The following ZFHX3 variants were observed in gnomAD, a reference collection of about 807,000 sequenced individuals.
ZFHX3 encodes the protein zinc finger homeobox protein 3.
A neutral mutation model predicts 279.1 loss-of-function variants in ZFHX3; 42 were observed. That is an observed-to-expected ratio of 0.15 (90% CI 0.12 to 0.19). ZFHX3 has a LOEUF of 0.19. Ranked by LOEUF, ZFHX3 falls within the 10% of genes least tolerant of loss-of-function variation. ZFHX3 has a pLI of 1.00. For synonymous variants in ZFHX3, 2,293 were observed against 1,957.8 expected, an observed-to-expected ratio of 1.17 and a Z score of -4.52; for missense variants, 4,981 against 4,754.0, an observed-to-expected ratio of 1.05 and a Z score of -1.40.
rs377314545 is a variant in ZFHX3, at chr16:72,797,630, G to A, written c.5052C>T (p.Pro1684=). 6.1e-5 allele frequency: 99 copies of A among 1,614,052 alleles called. No individual in the cohort carries two copies. The highest frequency in any genetic ancestry group is 8.2e-5 in the Non-Finnish European group (97 of 1,180,048). ...APSSNLLSQV[P]TESVGMPPLG... ...GGGGTGGCATCCCTACACTCTCAGTGGGCACTTGGCTTAGTAAGTTAGAGC... is the reference window on the plus strand; with the variant it reads ...GGGGTGGCATCCCTACACTCTCAGTAGGCACTTGGCTTAGTAAGTTAGAGC... Residue 1684 remains proline, a synonymous_variant, in exon 9 of 10, where the codon CCC becomes CCT. Transcript: ENST00000268489.
chr16:73,369,858 C>CTG (rs1451169684), intron 3 of ZFHX3, among the ~76,000 whole-genome samples: 7 of 79,418 alleles, frequency 8.8e-5, no homozygotes, highest in Admixed American at 3.0e-4. Context: ...CTCTCTCTCT[C>CTG]TGTCTCTCAA....
intron 1 of ZFHX3, among the ~76,000 whole-genome samples, chr16:72,996,694 C>T (rs1231735828): frequency 2.0e-5 from 3 of 152,248 alleles, no homozygotes; most frequent in Non-Finnish European, 4.4e-5. Context: ...GAGTGCAATC[C>T]AACCACGGAG....
chr16:72,835,600 G>A (rs2037172537), intron 4 of ZFHX3, among the ~76,000 whole-genome samples: 1 of 152,022 alleles, frequency 6.6e-6, no homozygotes, highest in Admixed American at 6.6e-5. Flanking sequence ...ACCCAAGGAC[G>A]ACCACTGAAG....
intron 1 of ZFHX3, among the ~76,000 whole-genome samples, chr16:73,703,903 G>C (rs1301351693): frequency 6.6e-6 from 1 of 152,114 alleles, no homozygotes; most frequent in South Asian, 2.1e-4. Context: ...GGTGAAAGAG[G>C]GCATTAGGGG....
At chr16:73,676,776 C>T (rs2052958827) in intron 2 of ZFHX3, among the ~76,000 whole-genome samples, 1 of 150,022 alleles carries the variant, frequency 6.7e-6, no homozygotes, top group South Asian at 2.1e-4. Context: ...GACGAGTGAA[C>T]ATACACTAAA....
chr16:73,694,985 C>T (rs201825730), intron 1 of ZFHX3, among the ~76,000 whole-genome samples: 7 of 152,310 alleles, frequency 4.6e-5, no homozygotes, highest in African/African-American at 1.7e-4. Context: ...CAGTTGAGAG[C>T]CACGGTGTGG....
intron 4 of ZFHX3, among the ~76,000 whole-genome samples, chr16:72,888,977 C>T (rs181165249): frequency 6.7e-6 from 1 of 150,182 alleles, no homozygotes; most frequent in East Asian, 2.0e-4. Context: ...AAGTGGAGAG[C>T]AAGAGACTGG....
intron 1 of ZFHX3, among the ~76,000 whole-genome samples, chr16:73,705,717 C>G (rs1259668176): frequency 6.6e-6 from 1 of 152,160 alleles, no homozygotes; most frequent in Non-Finnish European, 1.5e-5. Flanking sequence ...CATCCACTCT[C>G]TTCTCTCCAC....
intron 1 of ZFHX3, among the ~76,000 whole-genome samples, chr16:73,759,127 T>C (rs1318226472): frequency 6.6e-6 from 1 of 152,228 alleles, no homozygotes; most frequent in African/African-American, 2.4e-5. Context: ...AAACTAATAC[T>C]GACTTAAACA....
rs1966853913 is a variant in ZFHX3, at chr16:73,143,847, A to T, written c.-1103-16T>A. On this transcript the variant is annotated splice_polypyrimidine_tract_variant and intron_variant, in intron 5 of 17. Coordinates refer to the ZFHX3 transcript ENST00000641206. ...ATCTTCCGAGCTGAAGAAGAAAAGA[A>T]AGGACAAAAACACGGTTGGGGAGAT... is the stretch of plus-strand genomic sequence containing the variant. 2.2e-5 allele frequency: 27 copies of T among 1,236,050 alleles called. No individual in the cohort carries two copies. In the Middle Eastern group the frequency reaches 6.6e-4, roughly 30 times the overall value. The allele number at this position is 1,236,050 out of a possible 1,614,324, so 76.6% of individuals were successfully genotyped here.
intron 1 of ZFHX3, among the ~76,000 whole-genome samples, chr16:73,756,966 G>A (rs1451113958): frequency 6.6e-6 from 1 of 152,124 alleles, no homozygotes; most frequent in Non-Finnish European, 1.5e-5. Flanking sequence ...TTAAACTACT[G>A]CAGTGATAAA....
chr16:73,347,982 T>C (rs1318591970), intron 3 of ZFHX3, among the ~76,000 whole-genome samples: 1 of 152,282 alleles, frequency 6.6e-6, no homozygotes, highest in African/African-American at 2.4e-5. Context: ...TGGCAGAATA[T>C]CAAGCTTGTT....
intron 5 of ZFHX3, among the ~76,000 whole-genome samples, chr16:73,174,689 G>T (rs1308604652): frequency 6.6e-6 from 1 of 151,840 alleles, no homozygotes; most frequent in African/African-American, 2.4e-5. Context: ...ATTGCAGTCC[G>T]CTCATCAATG....
rs2144456857 is a variant in ZFHX3, at chr16:72,959,836, G to A, written c.310C>T (p.Pro104Ser). Residue 104 changes from proline (P) to serine (S), a missense_variant, in exon 2 of 10, where the codon CCC becomes TCC. By Grantham distance (74) the Pro-to-Ser change is moderately conservative. Transcript: ENST00000268489. ...YMEHHCPSARPPPPLREESAS... is the reference protein window; with the variant it reads ...YMEHHCPSARSPPPLREESAS... Reference sequence around the variant, plus strand: ...CTCTCCTCTCTCAGGGGTGGCGGGGGGCGCGCGCTGGGGCAGTGGTGCTCC... The same window carrying A: ...CTCTCCTCTCTCAGGGGTGGCGGGGAGCGCGCGCTGGGGCAGTGGTGCTCC... 5.0e-6 allele frequency: 8 copies of A among 1,594,478 alleles called. No individual in the cohort carries two copies. Among genetic ancestry groups the A allele is most frequent in the Non-Finnish European group, 6.8e-6 (8 of 1,168,258 alleles).
intron 3 of ZFHX3, among the ~76,000 whole-genome samples, chr16:73,431,465 C>G (rs1037148672): frequency 5.9e-5 from 9 of 152,104 alleles, no homozygotes; most frequent in African/African-American, 2.2e-4. Context: ...CACTTGAACC[C>G]AGGAGGTGTA....
intron 1 of ZFHX3, among the ~76,000 whole-genome samples, chr16:73,682,811 AG>A (rs1201012219): frequency 6.7e-6 from 1 of 150,216 alleles, no homozygotes; most frequent in African/African-American, 2.5e-5. Flanking sequence ...AAAGAAAGAA[AG>A]AGAGAAAGAG....
At chr16:73,506,536 A>T (rs80043048) in intron 2 of ZFHX3, among the ~76,000 whole-genome samples, 2,655 of 152,288 alleles carry the variant, frequency 0.017, 83 homozygotes, top group African/African-American at 0.061. Context: ...AGCCAGAATG[A>T]TTCTACTCTG....
chr16:73,787,706 G>C (rs1959689592), intron 1 of ZFHX3, among the ~76,000 whole-genome samples: 1 of 152,058 alleles, frequency 6.6e-6, no homozygotes. Flanking sequence ...GCACTATCTG[G>C]CATAGGAATC....
chr16:73,683,812 A>G (rs542205204), intron 1 of ZFHX3, among the ~76,000 whole-genome samples: 1 of 152,318 alleles, frequency 6.6e-6, no homozygotes, highest in South Asian at 2.1e-4. Flanking sequence ...TGAGATACAC[A>G]GTAAGGAAAT....
Sources: gnomAD v4.1 joint callset for allele counts (sites outside exome capture counted in the v4.1 genomes callset) on GRCh38, gnomAD v4.1.1 for gene constraint, MANE v1.5 for transcripts, NCBI Gene and HGNC (gene_info 2026-07-23, HGNC 2026-07-21) for gene names.